URGCP: variants seen among roughly 807,000 people sequenced by gnomAD.
The protein encoded by URGCP is up-regulator of cell proliferation.
URGCP carries 13 observed loss-of-function variants against 24.6 expected under a neutral mutation model. The observed-to-expected ratio is 0.53, with a 90% confidence interval of 0.34 to 0.84. URGCP has a LOEUF of 0.84. Ranked by LOEUF, URGCP falls within the 40% of genes least tolerant of loss-of-function variation. The pLI is 0.01. For missense variants in URGCP, 899 were observed against 1,194.3 expected (o/e 0.75, Z 3.64); for synonymous variants, 444 against 487.2 (o/e 0.91, Z 1.17).
chr7:43,893,633 G>A (rs1009849369), intron 1 of URGCP, among the ~76,000 whole-genome samples: 1 of 152,252 alleles, frequency 6.6e-6, no homozygotes, highest in African/African-American at 2.4e-5. Context: ...CACTTTGGGA[G>A]GCCAAGGTGG....
intron 3 of URGCP, among the ~76,000 whole-genome samples, chr7:43,883,358 A>ATTTTTTTTT (rs1490751876): frequency 1.0e-5 from 1 of 95,870 alleles, no homozygotes; most frequent in Non-Finnish European, 1.9e-5. Flanking sequence ...ATATATATAT[A>ATTTTTTTTT]TATATTTTTT....
At chr7:43,894,693 T>A (rs947211401) in intron 1 of URGCP, among the ~76,000 whole-genome samples, 5 of 152,100 alleles carry the variant, frequency 3.3e-5, no homozygotes, top group African/African-American at 1.2e-4. Flanking sequence ...TCATATCAAG[T>A]GTCTTCTTAG....
rs1290978937 is a variant in URGCP at position 43,876,013 on chromosome 7, G to A, written c.*654C>T. ...CCTGCCCTCAAGGAGCTCACAGTCT[G>A]GGGGGACAGACATGTAAACACATGA... On this transcript the variant is annotated 3_prime_UTR_variant, in exon 6 of 6. Transcript: ENST00000453200. The A allele has an allele frequency of 6.5e-6, 1 of 154,126 alleles. No individual in the cohort carries two copies. The highest frequency in any genetic ancestry group is 2.4e-5 in the African/African-American group (1 of 41,488). 9.5% of individuals were successfully genotyped at this position (154,126 alleles called of 1,614,324 possible).
intron 1 of URGCP, 47 bp downstream of exon 1, chr7:43,906,515 T>C: frequency 8.4e-7 from 1 of 1,194,426 alleles, no homozygotes; most frequent in Non-Finnish European, 1.0e-6. Flanking sequence ...CCGCTCCCGT[T>C]CCTGCCGGCA....
chr7:43,893,037 A>G (rs1370274426), intron 1 of URGCP, among the ~76,000 whole-genome samples: 1 of 152,120 alleles, frequency 6.6e-6, no homozygotes, highest in East Asian at 1.9e-4. Context: ...AAAAAAATAA[A>G]ATAAAGCTGG....
At chr7:43,901,753 AC>A (rs2095891166) in intron 1 of URGCP, among the ~76,000 whole-genome samples, 2 of 152,158 alleles carry the variant, frequency 1.3e-5, no homozygotes, top group Non-Finnish European at 2.9e-5. Context: ...GCCCATTCAG[AC>A]CAGGCCGGGC....
At position 43,878,931 on chromosome 7, in the gene URGCP, C is replaced by G; in HGVS notation, c.532G>C (p.Asp178His). 1 of 1,614,210 alleles carries G rather than the reference C, an allele frequency of 6.2e-7. No individual in the cohort carries two copies. ...IYSFSELPTP[D>H]TPVNPLDLLC... is the part of the protein sequence containing the mutation. ...AGGTCTAAGGGGTTCACTGGCGTAT[C>G]AGGGGTGGGCAGCTCAGAAAAGGAA... is the stretch of plus-strand genomic sequence containing the variant. Residue 178 changes from aspartate to histidine, a missense_variant, in exon 6 of 6, where the codon GAT becomes CAT. Transcript: ENST00000453200. This position sits in a 1 kb window ranked among gnomAD's most constrained non-coding sequence, Gnocchi z 5.6.
At chr7:43,889,342 C>T (rs1403478164) in intron 1 of URGCP, 2 of 152,092 alleles carry the variant, frequency 1.3e-5, no homozygotes, top group African/African-American at 4.8e-5. Flanking sequence ...GCCACTGTAC[C>T]CTATAGCCAG....
intron 1 of URGCP, 157 bp downstream of exon 1, chr7:43,906,405 G>T: frequency 2.4e-6 from 2 of 849,574 alleles, no homozygotes; most frequent in Non-Finnish European, 1.4e-6. Context: ...GTCGGCGCGA[G>T]CGGGCCGTGG....
intron 3 of URGCP, among the ~76,000 whole-genome samples, chr7:43,883,013 C>T (rs1033737969): frequency 1.6e-4 from 25 of 151,932 alleles, no homozygotes; most frequent in African/African-American, 5.1e-4. Flanking sequence ...AGGTGAGGTG[C>T]GGGGGGAGAG....
At chr7:43,900,253 G>A (rs1001066870) in intron 1 of URGCP, among the ~76,000 whole-genome samples, 8 of 150,868 alleles carry the variant, frequency 5.3e-5, no homozygotes, top group African/African-American at 1.2e-4. Flanking sequence ...TCAGCGGTTC[G>A]AGACCAACCT....
chr7:43,881,761 T>C, intron 4 of URGCP, 64 bp from the exon 5 acceptor site: 1 of 1,613,026 alleles, frequency 6.2e-7, no homozygotes, highest in Non-Finnish European at 8.5e-7. Context: ...TGACACAAAT[T>C]AATTGAAGCT....
intron 1 of URGCP, chr7:43,919,193 G>A (rs2095919181): frequency 2.2e-6 from 2 of 889,252 alleles, no homozygotes; most frequent in African/African-American, 1.6e-5. Flanking sequence ...AGAAGCTGGT[G>A]CAGACATACT....
chr7:43,908,933 AC>A (rs1359546808), upstream of URGCP, among the ~76,000 whole-genome samples: 1 of 152,214 alleles, frequency 6.6e-6, no homozygotes, highest in Non-Finnish European at 1.5e-5. Flanking sequence ...CGTACACTTA[AC>A]ATGAATTTTA....
intron 1 of URGCP, chr7:43,918,774 A>G: frequency 1.1e-6 from 1 of 907,594 alleles, no homozygotes; most frequent in Non-Finnish European, 1.8e-6. Flanking sequence ...ACAGCTGTGC[A>G]CTGAGCATGG....
At chr7:43,916,721 C>T (rs867694807) in intron 1 of URGCP, among the ~76,000 whole-genome samples, 222 of 133,824 alleles carry the variant, frequency 1.7e-3, no homozygotes, top group African/African-American at 5.6e-3. Context: ...ACCCCCCCCC[C>T]CCACATAACA....
chr7:43,877,198 G>A lies in URGCP; in HGVS notation c.2265C>T (p.Gly755=). 1.2e-6 allele frequency: 2 copies of A among 1,614,110 alleles called. No homozygotes were observed. Among genetic ancestry groups the A allele is most frequent in the South Asian group, 1.1e-5 (1 of 91,088 alleles). The change falls in exon 6 of 6, where the codon GGC becomes GGT. Residue 755 remains glycine (G), a synonymous_variant. Coordinates refer to ENST00000453200, the MANE Select transcript of URGCP (RefSeq NM_001077663.3). ...CDHILVIDSG[G]LIGGALTSAG... ...CTGACGTCAAGGCCCCACCTATCAA[G>A]CCCCCGGAGTCTATCACCAGGATGT...
At chr7:43,910,553 C>T (rs1372289449), upstream of URGCP, among the ~76,000 whole-genome samples, 1 of 151,828 alleles carries the variant, frequency 6.6e-6, no homozygotes, top group Non-Finnish European at 1.5e-5. Flanking sequence ...AAAATTTACA[C>T]TAAAATTTTT....
rs117855503 is a variant in URGCP at position 43,901,080 on chromosome 7, A to G, written c.14+5482T>C. Among the ~76,000 whole-genome samples the G allele has an allele frequency of 9.4e-4, 143 of 152,372 alleles. 1 individual carries two copies. The East Asian group carries it at 0.022, about 24-fold the overall frequency. ...AGGAGCCCTCCTCTCTATACTAGAAATAACAGTCCTTATTGAATAGGTTGC... is the reference window on the plus strand; with the variant it reads ...AGGAGCCCTCCTCTCTATACTAGAAGTAACAGTCCTTATTGAATAGGTTGC... On this transcript the variant is annotated intron_variant, in intron 1 of 5. Coordinates refer to ENST00000453200, the MANE Select transcript of URGCP (RefSeq NM_001077663.3).
Sources: gnomAD v4.1 joint callset for allele counts (sites outside exome capture counted in the v4.1 genomes callset) on GRCh38, gnomAD v4.1.1 for gene constraint, Gnocchi (gnomAD v3.1) non-coding constraint, MANE v1.5 for transcripts, NCBI Gene and HGNC (gene_info 2026-07-23, HGNC 2026-07-21) for gene names.